WDR62: variants seen among roughly 807,000 people sequenced by gnomAD.
The protein encoded by WDR62 is WD repeat domain 62.
Under a neutral mutation model 160.6 loss-of-function variants are expected in WDR62, and 112 were observed. The observed-to-expected ratio is 0.70, with a 90% CI of 0.60 to 0.82. The LOEUF (loss-of-function observed/expected upper bound fraction) is 0.82. Among genes scored for constraint, WDR62 ranks in the 40% least tolerant of loss-of-function variants. WDR62 has a pLI of 0.00. For synonymous variants in WDR62, 792 were observed against 815.1 expected (o/e 0.97, Z 0.48); for missense variants, 1,819 against 1,983.8 (o/e 0.92, Z 1.58).
At chr19:36,108,363 C>G (rs76765303), downstream of WDR62, among the ~76,000 whole-genome samples, 8 of 151,878 alleles carry the variant, frequency 5.3e-5, no homozygotes, top group Non-Finnish European at 1.0e-4. Flanking sequence ...CAACTCCCCC[C>G]CTGCTTCTAC....
the WDR62 span, chr19:36,111,080 G>T: frequency 1.1e-6 from 1 of 922,862 alleles, no homozygotes; most frequent in Non-Finnish European, 1.6e-6. Context: ...CAGGAAATTT[G>T]CATGAAGAGA....
chr19:36,089,522 A>G (rs1439624732), intron 15 of WDR62, among the ~76,000 whole-genome samples: 3 of 151,904 alleles, frequency 2.0e-5, no homozygotes, highest in East Asian at 1.9e-4. Flanking sequence ...GCTCACTGCA[A>G]CCTCCACCTC....
chr19:36,084,873 G>C, intron 12 of WDR62, 129 bp downstream of exon 12: 1 of 837,942 alleles, frequency 1.2e-6, no homozygotes, highest in East Asian at 2.6e-5. Flanking sequence ...TTCGGTAAGG[G>C]CCCCTGTAGC....
At chr19:36,072,468 G>A (rs1417151272) in intron 8 of WDR62, among the ~76,000 whole-genome samples, 2 of 152,166 alleles carry the variant, frequency 1.3e-5, no homozygotes, top group East Asian at 3.9e-4. Flanking sequence ...TAAATGACCA[G>A]GCCTTACATG....
At position 36,104,858 on chromosome 19, in the gene WDR62, G is replaced by A. The variant is rs1973650905; in HGVS notation, c.4402G>A (p.Ala1468Thr). Reference sequence around the variant, plus strand: ...CCTGTGGATCCACAGCCAGCTGGAGGCTGAATGCCTGGTGGGGACTAGTGT... The same window carrying A: ...CCTGTGGATCCACAGCCAGCTGGAGACTGAATGCCTGGTGGGGACTAGTGT... ...TFLWIHSQLE[A>T]ECLVGTSVAP... Residue 1468 changes from alanine (A) to threonine (T), a missense_variant, in exon 32 of 32, where the codon GCT (alanine) becomes ACT (threonine). Ala to Thr is a moderately conservative substitution (Grantham distance 58). Coordinates refer to ENST00000401500, the MANE Select transcript of WDR62 (RefSeq NM_001083961.2). 6.2e-7 allele frequency: 1 copy of A among 1,613,258 alleles called. No individual in the cohort carries two copies.
chr19:36,088,938 A>C, intron 13 of WDR62, 100 bp from the exon 14 acceptor site: 1 of 1,367,276 alleles, frequency 7.3e-7, no homozygotes, highest in Non-Finnish European at 1.0e-6. Flanking sequence ...CCTTGATCCC[A>C]GCACAGTTGA....
In WDR62 at chr19:36,103,757, A is replaced by C; in HGVS notation, c.3929A>C (p.Gln1310Pro). Residue 1310 changes from glutamine to proline, a missense_variant, in exon 30 of 32, where the codon CAG (glutamine) becomes CCG (proline). Physicochemically the swap from Gln to Pro is moderately conservative, Grantham distance 76 (BLOSUM62 -1). Coordinates refer to ENST00000401500, the MANE Select transcript of WDR62 (RefSeq NM_001083961.2). ...TLSSACDGLL[Q>P]PPVDTQPGVT... Reference sequence around the variant, plus strand: ...TCAAGTGCCTGTGATGGGCTCCTGCAGCCCCCCGTGGATACCCAGCCTGGC... The same window carrying C: ...TCAAGTGCCTGTGATGGGCTCCTGCCGCCCCCCGTGGATACCCAGCCTGGC... 1.9e-6 allele frequency: 3 copies of C among 1,611,036 alleles called. No individual in the cohort carries two copies. Among genetic ancestry groups the C allele is most frequent in the Non-Finnish European group, 2.5e-6 (3 of 1,179,840 alleles).
At chr19:36,088,120 G>A (rs1380347271) in intron 13 of WDR62, among the ~76,000 whole-genome samples, 1 of 152,090 alleles carries the variant, frequency 6.6e-6, no homozygotes. Flanking sequence ...ATACTTGTAT[G>A]TCAGGCCTGG....
chr19:36,106,999 C>A (rs553197163), downstream of WDR62, among the ~76,000 whole-genome samples: 1 of 152,222 alleles, frequency 6.6e-6, no homozygotes, highest in East Asian at 1.9e-4. Context: ...GGTGTTCAGC[C>A]CCCCAGGCCT....
chr19:36,068,019 T>A lies in WDR62; in HGVS notation c.882+9T>A. The stretch of plus-strand genomic sequence containing the variant: ...AGTGGATCAACCTGAAGGTACCACC[T>A]CCCTCTCTGCCATCAGCTGGACAGA... On this transcript the variant is annotated intron_variant, in intron 7 of 31. Transcript: ENST00000401500. The A allele has an allele frequency of 6.2e-7, 1 of 1,612,152 alleles. No individual in the cohort carries two copies. The highest frequency in any genetic ancestry group is 8.5e-7 in the Non-Finnish European group (1 of 1,179,060).
rs755768266 is a variant in WDR62 at position 36,104,764 on chromosome 19, G to A, written c.4312-4G>A. The A allele has an allele frequency of 6.2e-7, 1 of 1,613,762 alleles. No homozygotes were observed. The highest frequency in any genetic ancestry group is 1.1e-5 in the South Asian group (1 of 91,090). On this transcript the variant is annotated splice_region_variant and splice_polypyrimidine_tract_variant and intron_variant, in intron 31 of 31. Coordinates refer to ENST00000401500, the MANE Select transcript of WDR62 (RefSeq NM_001083961.2). ...GCCCCTGACAAGGCTGGCATCCCTT[G>A]CAGTTGGTCTCCAGTGGCCAGGTGG...
At chr19:36,069,727 G>A (rs974232119) in intron 7 of WDR62, among the ~76,000 whole-genome samples, 6 of 152,254 alleles carry the variant, frequency 3.9e-5, no homozygotes, top group Non-Finnish European at 7.3e-5. Flanking sequence ...ACGAGACTCC[G>A]TCTGCAATCC....
downstream of WDR62, chr19:36,105,224 C>G: frequency 1.5e-6 from 1 of 687,510 alleles, no homozygotes; most frequent in South Asian, 1.9e-5. Context: ...AGCATGGGAC[C>G]AGCGCTCCCA....
chr19:36,071,584 G>C lies in WDR62; in HGVS notation c.911G>C (p.Ser304Thr), dbSNP rs1317240082. 1 of 1,614,120 alleles carries C rather than the reference G, an allele frequency of 6.2e-7. No individual in the cohort carries two copies. Among genetic ancestry groups the C allele is most frequent in the Non-Finnish European group, 8.5e-7 (1 of 1,180,056 alleles). ...TCCCTGTCTTCCTGCCTCTGTGTCA[G>C]CCAGGAGCTCATCTTCTGTGGCTGC... is the stretch of plus-strand genomic sequence containing the variant. ...KVSLSSCLCVSQELIFCGCTD... is the reference protein window; with the variant it reads ...KVSLSSCLCVTQELIFCGCTD... The change falls in exon 8 of 32, where the codon AGC becomes ACC. Residue 304 changes from serine to threonine, a missense_variant. This residue lies in a region of WDR62 where 934 missense variants were observed against 1,157.2 expected (regional missense o/e 0.81). Coordinates refer to ENST00000401500, the MANE Select transcript of WDR62 (RefSeq NM_001083961.2).
At chr19:36,073,586 A>G (rs1251532263) in intron 9 of WDR62, 55 bp downstream of exon 9, 14 of 1,383,118 alleles carry the variant, frequency 1.0e-5, no homozygotes, top group Middle Eastern at 1.8e-4. Flanking sequence ...AGTTCCCCAC[A>G]GTTTGGGAAC....
rs774880298 is a variant in WDR62, at chr19:36,067,896, T to C, written c.768T>C (p.Cys256=). 6.2e-7 allele frequency: 1 copy of C among 1,614,148 alleles called. No individual in the cohort carries two copies. Among genetic ancestry groups the C allele is most frequent in the South Asian group, 1.1e-5 (1 of 91,082 alleles). Residue 256 remains cysteine (C), a synonymous_variant, in exon 7 of 32, where the codon TGT becomes TGC. Coordinates refer to ENST00000401500, the MANE Select transcript of WDR62 (RefSeq NM_001083961.2). ...GCGAGCTGCACAACAACATCTTCTGTGGTGTGGCCTGCGGTCGGGGCCGGA... is the reference window on the plus strand; with the variant it reads ...GCGAGCTGCACAACAACATCTTCTGCGGTGTGGCCTGCGGTCGGGGCCGGA... ...ILGELHNNIF[C]GVACGRGRMA...
intron 26 of WDR62, 181 bp downstream of exon 26, chr19:36,102,332 C>G: frequency 1.2e-6 from 1 of 821,396 alleles, no homozygotes; most frequent in Non-Finnish European, 2.0e-6. Context: ...CCAATCTTGG[C>G]TCACTGCAAC....
chr19:36,081,864 T>C (rs1182242857), intron 10 of WDR62: 2 of 547,696 alleles, frequency 3.7e-6, no homozygotes, highest in Middle Eastern at 2.8e-4. Context: ...CCAGGTGAAA[T>C]TGCTTCCTAA....
intron 13 of WDR62, among the ~76,000 whole-genome samples, chr19:36,088,190 A>G (rs926332915): frequency 6.6e-6 from 1 of 152,138 alleles, no homozygotes; most frequent in Non-Finnish European, 1.5e-5. Context: ...TCAGAGTTTT[A>G]TATTTGTTCT....
Sources: gnomAD v4.1 joint callset for allele counts (sites outside exome capture counted in the v4.1 genomes callset) on GRCh38, gnomAD v4.1.1 for gene constraint, gnomAD v4.1.1 regional missense constraint, MANE v1.5 for transcripts, NCBI Gene and HGNC (gene_info 2026-07-23, HGNC 2026-07-21) for gene names.